Variants in CFAP144 observed in about 807,000 individuals in gnomAD.
The protein encoded by CFAP144 is cilia- and flagella-associated protein 144.
At chr1:43,153,660 T>A in the CFAP144 span, among the ~76,000 whole-genome samples, 2 of 151,082 alleles carry the variant, frequency 1.3e-5, no homozygotes, top group Admixed American at 6.6e-5. Flanking sequence ...TTTTTAAAAT[T>A]AAAAAAATAA....
At chr1:43,156,083 A>G in the CFAP144 span, 1 of 769,514 alleles carries the variant, frequency 1.3e-6, no homozygotes, top group South Asian at 1.5e-5. Context: ...GGTCATCTCC[A>G]TTCCGCAATG....
At chr1:43,146,813 G>A in the CFAP144 span, among the ~76,000 whole-genome samples, 1 of 152,034 alleles carries the variant, frequency 6.6e-6, no homozygotes, top group African/African-American at 2.4e-5. Context: ...TAAAAATAGG[G>A]GTGGCTTCTT....
At chr1:43,147,777 G>A in the CFAP144 span, 22 of 1,456,584 alleles carry the variant, frequency 1.5e-5, no homozygotes, top group South Asian at 2.8e-4. Context: ...GGCGCGGGGC[G>A]GGGCGATGCA....
chr1:43,150,690 G>C, the CFAP144 span: 5 of 1,382,084 alleles, frequency 3.6e-6, no homozygotes, highest in Non-Finnish European at 5.0e-6. Context: ...CCCTGTTTAA[G>C]GTGGACCTTA....
At chr1:43,150,259 A>C in the CFAP144 span, among the ~76,000 whole-genome samples, 5 of 152,218 alleles carry the variant, frequency 3.3e-5, no homozygotes, top group Non-Finnish European at 5.9e-5. Context: ...TTCAGTGCAC[A>C]GTAATTATGA....
the CFAP144 span, among the ~76,000 whole-genome samples, chr1:43,152,006 G>A: frequency 6.6e-6 from 1 of 152,152 alleles, no homozygotes. Flanking sequence ...CCAGCCCAGT[G>A]TCAGTCCCTT....
At chr1:43,154,163 AT>A in the CFAP144 span, among the ~76,000 whole-genome samples, 1 of 135,258 alleles carries the variant, frequency 7.4e-6, no homozygotes, top group Non-Finnish European at 1.6e-5. Flanking sequence ...CTCTTTTTAT[AT>A]TCTTTTTATT....
chr1:43,152,165 G>T, the CFAP144 span, among the ~76,000 whole-genome samples: 1 of 152,110 alleles, frequency 6.6e-6, no homozygotes, highest in African/African-American at 2.4e-5. Flanking sequence ...TCATTCCATT[G>T]TCCGCCTGCG....
chr1:43,146,408 G>A, the CFAP144 span, among the ~76,000 whole-genome samples: 2 of 152,074 alleles, frequency 1.3e-5, no homozygotes, highest in Admixed American at 1.3e-4. Context: ...TTATTGAACA[G>A]CACTGCTCTA....
chr1:43,150,817 G>A, the CFAP144 span: 24 of 1,608,722 alleles, frequency 1.5e-5, no homozygotes, highest in African/African-American at 2.9e-4. Context: ...GGAACCTGCA[G>A]ATGGTAAGTC....
chr1:43,152,797 A>T, the CFAP144 span: 8 of 1,570,258 alleles, frequency 5.1e-6, no homozygotes, highest in Non-Finnish European at 6.9e-6. Flanking sequence ...CCAAAGCCTG[A>T]CTCCTTCATA....
chr1:43,149,914 T>C, the CFAP144 span, among the ~76,000 whole-genome samples: 1 of 152,188 alleles, frequency 6.6e-6, no homozygotes, highest in African/African-American at 2.4e-5. Context: ...TGGTGTCTGC[T>C]CATTTCCCAC....
At chr1:43,155,861 G>A in the CFAP144 span, among the ~76,000 whole-genome samples, 4,151 of 152,326 alleles carry the variant, frequency 0.027, 200 homozygotes, top group African/African-American at 0.094. Flanking sequence ...TAAGATCGAT[G>A]TGTCAGAGTG....
chr1:43,149,239 T>C, the CFAP144 span, among the ~76,000 whole-genome samples: 1 of 152,224 alleles, frequency 6.6e-6, no homozygotes, highest in Admixed American at 6.5e-5. Flanking sequence ...GATCTGGCTC[T>C]GGTTCCTGCC....
chr1:43,143,880 C>T, the CFAP144 span, among the ~76,000 whole-genome samples: 1 of 152,152 alleles, frequency 6.6e-6, no homozygotes, highest in Non-Finnish European at 1.5e-5. Context: ...CCTACCTGCC[C>T]TCTTTTGGCC....
the CFAP144 span, among the ~76,000 whole-genome samples, chr1:43,152,190 A>G: frequency 1.3e-5 from 2 of 151,998 alleles, no homozygotes; most frequent in South Asian, 4.2e-4. Flanking sequence ...TCCGGTGGAG[A>G]CTCGATAGGG....
chr1:43,144,937 GATTCCCA>G, the CFAP144 span, among the ~76,000 whole-genome samples: 2 of 152,220 alleles, frequency 1.3e-5, no homozygotes, highest in Non-Finnish European at 2.9e-5. Context: ...CAGGACTGTG[GATTCCCA>G]GCAGCTTGGC....
the CFAP144 span, among the ~76,000 whole-genome samples, chr1:43,151,156 G>A: frequency 2.0e-5 from 3 of 152,252 alleles, no homozygotes; most frequent in South Asian, 4.1e-4. Context: ...TTCTGAAGCT[G>A]TACTAACTCA....
At chr1:43,146,188 A>C in the CFAP144 span, among the ~76,000 whole-genome samples, 1 of 152,244 alleles carries the variant, frequency 6.6e-6, no homozygotes, top group Non-Finnish European at 1.5e-5. Flanking sequence ...ATGTGTTATG[A>C]AGTGTAAAAT....
Sources: gnomAD v4.1 joint callset for allele counts (sites outside exome capture counted in the v4.1 genomes callset) on GRCh38, gnomAD v4.1.1 for gene constraint, MANE v1.5 for transcripts, NCBI Gene and HGNC (gene_info 2026-07-23, HGNC 2026-07-21) for gene names.